The following ANKS1A variants were observed in gnomAD, a reference collection of about 807,000 sequenced individuals.
The protein encoded by ANKS1A is ankyrin repeat and sterile alpha motif domain containing 1A.
In ANKS1A, 55 loss-of-function variants were observed where a neutral mutation model predicts 120.3. The observed-to-expected ratio is 0.46, with a 90% CI of 0.37 to 0.57. ANKS1A has a LOEUF of 0.57. ANKS1A is among the 20% of genes least tolerant of loss of function. The probability of loss-of-function intolerance (pLI) is 0.00; values close to 1 mark genes in which losing one functional copy is unlikely to be tolerated. For missense variants in ANKS1A, 1,123 were observed against 1,480.3 expected, an observed-to-expected ratio of 0.76 and a Z score of 3.96; for synonymous variants, 590 against 604.7, an observed-to-expected ratio of 0.98 and a Z score of 0.36.
intron 3 of ANKS1A, among the ~76,000 whole-genome samples, chr6:34,976,147 A>AAAAAAAAAG (rs559867720): frequency 0.048 from 6,895 of 144,628 alleles, 421 homozygotes; most frequent in East Asian, 0.27. Context: ...AAAAAAAAAA[A>AAAAAAAAAG]AAAAGAAAAG....
chr6:35,070,829 T>C (rs1777048682), intron 13 of ANKS1A: 5 of 487,968 alleles, frequency 1.0e-5, no homozygotes, highest in African/African-American at 8.0e-5. Context: ...TTTTTCTTTG[T>C]GTGTGTGTGT....
chr6:34,976,721 T>C (rs1347171325), intron 3 of ANKS1A, among the ~76,000 whole-genome samples: 3 of 152,130 alleles, frequency 2.0e-5, no homozygotes, highest in Middle Eastern at 3.2e-3. Flanking sequence ...ACACTCTTCT[T>C]GATACTACAG....
At chr6:35,056,577 G>A (rs1040094517) in intron 12 of ANKS1A, among the ~76,000 whole-genome samples, 1 of 152,140 alleles carries the variant, frequency 6.6e-6, no homozygotes, top group African/African-American at 2.4e-5. Flanking sequence ...CGTGAGCCAC[G>A]ATGCCTGGCC....
chr6:35,079,719 C>T (rs1389242872), intron 15 of ANKS1A, 51 bp downstream of exon 15: 6 of 1,613,198 alleles, frequency 3.7e-6, no homozygotes, highest in Non-Finnish European at 5.1e-6. Flanking sequence ...GTCTGAGCTT[C>T]CCTTAGGGGC....
rs569140019 is a variant in ANKS1A at position 34,890,953 on chromosome 6, T to C, written c.197+1354T>C. On this transcript the variant is annotated intron_variant, in intron 1 of 23. Coordinates refer to ENST00000360359, the MANE Select transcript of ANKS1A (RefSeq NM_015245.3). ...AACCCAGGTCTTTACAGGAAGATTT[T>C]AAAAAGCAATATAAGTAGGTACTTA... Among the ~76,000 whole-genome samples the C allele has an allele frequency of 2.2e-4, 34 of 152,354 alleles. No homozygotes were observed. The South Asian group carries it at 4.6e-3, about 20-fold the overall frequency.
Position 34,981,835 on chromosome 6 carries a change from G to A in ANKS1A, c.581G>A (p.Arg194Gln), listed in dbSNP as rs762871214. The change falls in exon 4 of 24, where the codon CGA (arginine) becomes CAA (glutamine). Residue 194 changes from arginine to glutamine, a missense_variant. Physicochemically the swap from Arg to Gln is conservative, Grantham distance 43 (BLOSUM62 1). Around this residue, in one of 3 missense-constraint regions of ANKS1A, gnomAD observed 146 missense variants for 267.8 expected, o/e 0.55. Transcript: ENST00000360359. ...TPLDLAALYG[R>Q]LEVVKMLLNA... ...TTGGACCTGGCAGCACTGTACGGGCGACTGGAGGTGGTGAAAATGCTCCTT... is the reference window on the plus strand; with the variant it reads ...TTGGACCTGGCAGCACTGTACGGGCAACTGGAGGTGGTGAAAATGCTCCTT... The A allele has an allele frequency of 2.5e-6, 4 of 1,614,118 alleles. No individual in the cohort carries two copies. Among genetic ancestry groups the A allele is most frequent in the Middle Eastern group, 1.6e-4 (1 of 6,062 alleles).
intron 1 of ANKS1A, among the ~76,000 whole-genome samples, chr6:34,890,173 C>T (rs1412030793): frequency 6.6e-6 from 1 of 152,014 alleles, no homozygotes; most frequent in Non-Finnish European, 1.5e-5. Flanking sequence ...CTCACTGCAA[C>T]CTCCGCCTCC....
At chr6:34,955,320 A>G (rs889134610) in intron 1 of ANKS1A, among the ~76,000 whole-genome samples, 4 of 151,858 alleles carry the variant, frequency 2.6e-5, no homozygotes, top group African/African-American at 7.3e-5. Context: ...TATTTTTAGT[A>G]GAGATGGGGT....
intron 1 of ANKS1A, among the ~76,000 whole-genome samples, chr6:34,928,310 C>G (rs1297705024): frequency 6.6e-6 from 1 of 152,154 alleles, no homozygotes; most frequent in Non-Finnish European, 1.5e-5. Context: ...CAGCCCCAGG[C>G]CTCACAGGAT....
At chr6:35,026,676 G>A (rs1018858268) in intron 11 of ANKS1A, among the ~76,000 whole-genome samples, 1 of 152,114 alleles carries the variant, frequency 6.6e-6, no homozygotes, top group African/African-American at 2.4e-5. Context: ...GGAGAAGCAT[G>A]AGTGGTTATT....
Position 35,089,427 on chromosome 6 carries a change from G to A in ANKS1A, c.*818G>A, listed in dbSNP as rs371438864. ...GCACTGCCCTGGGCTGGCCGGCGCC[G>A]TACTGCCTGCGTTGTGTCAGAGAAT... is the stretch of plus-strand genomic sequence containing the variant. On this transcript the variant is annotated 3_prime_UTR_variant, in exon 24 of 24. Coordinates refer to ENST00000360359, the MANE Select transcript of ANKS1A (RefSeq NM_015245.3). 11 of 986,710 alleles carry A rather than the reference G, an allele frequency of 1.1e-5. No homozygotes were observed. The East Asian group carries it at 3.4e-4, about 31-fold the overall frequency. The allele number at this position is 986,710 out of a possible 1,614,324, so 61.1% of individuals were successfully genotyped here. A position where few individuals can be genotyped will look rare whatever the true frequency, so the allele number is the denominator to read the frequency against.
intron 10 of ANKS1A, among the ~76,000 whole-genome samples, chr6:34,998,884 G>A (rs1309170111): frequency 6.6e-6 from 1 of 152,204 alleles, no homozygotes; most frequent in Non-Finnish European, 1.5e-5. Context: ...GATGGTTGAG[G>A]CAGCTCCTTA....
intron 3 of ANKS1A, among the ~76,000 whole-genome samples, chr6:34,970,431 T>G (rs1346153686): frequency 2.0e-5 from 3 of 152,146 alleles, no homozygotes; most frequent in African/African-American, 7.2e-5. Context: ...GGAATAGTAC[T>G]AGAATAAAAA....
At position 34,916,363 on chromosome 6, in the gene ANKS1A, AGTCT is replaced by A. The variant is rs538423645; in HGVS notation, c.197+26765_197+26768del. ...TGGAGATTTATGGAGGATGAGACCA[AGTCT>A]CAACCACAGTATACTTTTCAACAAA... On this transcript the variant is annotated intron_variant, in intron 1 of 23. Transcript: ENST00000360359. Among the ~76,000 whole-genome samples the A allele has an allele frequency of 3.9e-3, 595 of 152,314 alleles. 1 individual carries two copies. The highest frequency in any genetic ancestry group is 0.018 in the South Asian group (88 of 4,824).
intron 1 of ANKS1A, among the ~76,000 whole-genome samples, chr6:34,934,482 G>T (rs1049828468): frequency 2.0e-5 from 3 of 152,170 alleles, no homozygotes; most frequent in Admixed American, 2.0e-4. Flanking sequence ...GGTGAAATTG[G>T]TTTTTTAGTC....
chr6:35,020,162 GCCAGCCCT>G (rs1774258715), intron 11 of ANKS1A, among the ~76,000 whole-genome samples: 2 of 152,270 alleles, frequency 1.3e-5, no homozygotes, highest in Admixed American at 1.3e-4. Context: ...GATGAGTACA[GCCAGCCCT>G]CCATATCCAT....
At position 34,997,195 on chromosome 6, in the gene ANKS1A, A is replaced by ATT. The variant is rs372595838; in HGVS notation, c.1423+2791_1423+2792dup. ...TGAGTCTTCCAATCATATTGGTAGAATTTTTTTTTTTTTTTTTTTGAGACA... is the reference window on the plus strand; with the variant it reads ...TGAGTCTTCCAATCATATTGGTAGAATTTTTTTTTTTTTTTTTTTTTGAGACA... On this transcript the variant is annotated intron_variant, in intron 10 of 23. Transcript: ENST00000360359. 8.6e-3 allele frequency among the ~76,000 whole-genome samples: 1,118 copies of ATT among 130,218 alleles called. 15 individuals are homozygous for ATT. Among genetic ancestry groups the ATT allele is most frequent in the African/African-American group, 9.3e-3 (321 of 34,592 alleles). The allele number at this position is 130,218 out of a possible 152,430, so 85.4% of individuals were successfully genotyped here.
Position 34,991,703 on chromosome 6 carries a change from CATAT to C in ANKS1A, c.1302+2391_1302+2394del, listed in dbSNP as rs1554142098. Among the ~76,000 whole-genome samples, 111 of 27,166 alleles carry C rather than the reference CATAT, an allele frequency of 4.1e-3. 2 individuals carry two copies. In the East Asian group the frequency reaches 0.1, roughly 25 times the overall value. The allele number at this position is 27,166 out of a possible 152,430, so 17.8% of individuals were successfully genotyped here. On this transcript the variant is annotated intron_variant, in intron 9 of 23. Coordinates refer to ENST00000360359, the MANE Select transcript of ANKS1A (RefSeq NM_015245.3). ...ATATACATATATACACATATATATACATATATACACATATATATACATATATACA... is the reference window on the plus strand; with the variant it reads ...ATATACATATATACACATATATATACATACACATATATATACATATATACA...
At position 35,012,185 on chromosome 6, in the gene ANKS1A, T is replaced by C. The variant is rs148914993; in HGVS notation, c.1424-5288T>C. Among the ~76,000 whole-genome samples, 39 of 152,344 alleles carry C rather than the reference T, an allele frequency of 2.6e-4. 1 individual carries two copies. The highest frequency in any genetic ancestry group is 7.7e-4 in the East Asian group (4 of 5,192). On this transcript the variant is annotated intron_variant, in intron 10 of 23. Coordinates refer to ENST00000360359, the MANE Select transcript of ANKS1A (RefSeq NM_015245.3). ...AGAATGCATCCCAGGCATTCATTTTTTGAAAGAGACCTAGAGAGGAAAAGT... is the reference window on the plus strand; with the variant it reads ...AGAATGCATCCCAGGCATTCATTTTCTGAAAGAGACCTAGAGAGGAAAAGT...
Sources: allele counts gnomAD v4.1 joint callset (sites outside exome capture counted in the v4.1 genomes callset), GRCh38; gene constraint gnomAD v4.1.1; regional missense constraint gnomAD v4.1.1; transcripts MANE v1.5; gene names NCBI Gene and HGNC (gene_info 2026-07-23, HGNC 2026-07-21).